Variants in MS4A1 observed in about 807,000 individuals in gnomAD.
MS4A1 encodes the protein B-lymphocyte antigen CD20.
A neutral mutation model predicts 26.5 loss-of-function variants in MS4A1; 16 were observed. That is an observed-to-expected ratio of 0.60 (90% CI 0.41 to 0.92). The LOEUF is 0.92. Ranked by LOEUF, MS4A1 falls within the 40% of genes least tolerant of loss-of-function variation. The probability of loss-of-function intolerance (pLI) is 0.00; values close to 1 mark genes in which losing one functional copy is unlikely to be tolerated. For synonymous variants in MS4A1, 128 were observed against 117.6 expected (o/e 1.09, Z -0.57); for missense variants, 350 against 353.0 (o/e 0.99, Z 0.07).
intron 5 of MS4A1, 64 bp from the exon 6 acceptor site, chr11:60,465,857 C>T: frequency 3.8e-6 from 5 of 1,314,598 alleles, no homozygotes; most frequent in Non-Finnish European, 5.5e-6. Context: ...TTGGAATTCC[C>T]TCCCAGATTA....
At chr11:60,458,459 G>C (rs909067160) in intron 1 of MS4A1, among the ~76,000 whole-genome samples, 1 of 152,162 alleles carries the variant, frequency 6.6e-6, no homozygotes, top group Non-Finnish European at 1.5e-5. Context: ...ATTTGCAGGA[G>C]TTAGTGTGAG....
At chr11:60,464,449 C>T (rs1359294930) in intron 5 of MS4A1, 105 bp downstream of exon 5, 3 of 969,436 alleles carry the variant, frequency 3.1e-6, no homozygotes, top group Non-Finnish European at 5.0e-6. Context: ...GCCTCTCAGC[C>T]CTAAAAAGCA....
At chr11:60,460,126 G>A (rs866233713) in intron 1 of MS4A1, among the ~76,000 whole-genome samples, 1 of 152,008 alleles carries the variant, frequency 6.6e-6, no homozygotes, top group Non-Finnish European at 1.5e-5. Flanking sequence ...GTTGCCCGTG[G>A]TCCCAGCTAC....
At chr11:60,459,332 G>A (rs987326256) in intron 1 of MS4A1, among the ~76,000 whole-genome samples, 2 of 152,160 alleles carry the variant, frequency 1.3e-5, no homozygotes, top group African/African-American at 4.8e-5. Context: ...ACTTACGAAG[G>A]TGTTGAGTGA....
intron 1 of MS4A1, among the ~76,000 whole-genome samples, chr11:60,460,292 G>C (rs937604753): frequency 4.6e-5 from 7 of 152,070 alleles, no homozygotes; most frequent in African/African-American, 1.4e-4. Flanking sequence ...ATGTAACTTG[G>C]CACAAGTAAC....
At chr11:60,463,519 C>T (rs2086265923) in intron 4 of MS4A1, among the ~76,000 whole-genome samples, 1 of 152,192 alleles carries the variant, frequency 6.6e-6, no homozygotes, top group African/African-American at 2.4e-5. Flanking sequence ...ACTATGGTAC[C>T]TGGTGAAACC....
At chr11:60,462,605 C>G in intron 3 of MS4A1, 72 bp downstream of exon 3, 1 of 1,577,264 alleles carries the variant, frequency 6.3e-7, no homozygotes, top group Non-Finnish European at 8.7e-7. Context: ...GTATAGGCCA[C>G]ATACAGAATT....
chr11:60,457,254 T>C (rs1012572878), intron 1 of MS4A1, among the ~76,000 whole-genome samples: 1 of 152,092 alleles, frequency 6.6e-6, no homozygotes, highest in African/African-American at 2.4e-5. Context: ...AGGACATGTA[T>C]AGACCAGTGG....
rs760536969 is a variant in MS4A1 at position 60,466,113 on chromosome 11, T to C, written c.529T>C (p.Ser177Pro). The change falls in exon 6 of 8, where the codon TCC becomes CCC. Residue 177 changes from serine to proline, a missense_variant. Ser to Pro is a moderately conservative substitution (Grantham distance 74). Coordinates refer to ENST00000345732, the MANE Select transcript of MS4A1 (RefSeq NM_152866.3). The stretch of plus-strand genomic sequence containing the variant: ...ACCAGCTAATCCCTCTGAGAAAAAC[T>C]CCCCATCTACCCAATACTGTTACAG... ...CEPANPSEKN[S>P]PSTQYCYSIQ... 1.9e-6 allele frequency: 3 copies of C among 1,613,462 alleles called. No homozygotes were observed. The highest frequency in any genetic ancestry group is 2.5e-6 in the Non-Finnish European group (3 of 1,179,558).
rs181322021 is a variant in MS4A1, at chr11:60,467,091, C to A, written c.675+31C>A. The A allele has an allele frequency of 6.5e-6, 10 of 1,545,584 alleles. No individual in the cohort carries two copies. In the African/African-American group the frequency reaches 1.4e-4, roughly 21 times the overall value. On this transcript the variant is annotated intron_variant, in intron 7 of 7. Coordinates refer to ENST00000345732, the MANE Select transcript of MS4A1 (RefSeq NM_152866.3). ...TAGTAGCCCCTCTGGCCAAAACCTCCCTCTAGAAAATCCACATCCACAAAG... is the reference window on the plus strand; with the variant it reads ...TAGTAGCCCCTCTGGCCAAAACCTCACTCTAGAAAATCCACATCCACAAAG...
chr11:60,466,934 C>T (rs2135202936), intron 6 of MS4A1, 25 bp from the exon 7 acceptor site: 1 of 1,605,132 alleles, frequency 6.2e-7, no homozygotes, highest in Non-Finnish European at 8.5e-7. Context: ...TACATTTTCA[C>T]CTTCATTCTT....
At chr11:60,460,564 G>A (rs985934500) in intron 1 of MS4A1, among the ~76,000 whole-genome samples, 1 of 152,118 alleles carries the variant, frequency 6.6e-6, no homozygotes, top group Non-Finnish European at 1.5e-5. Flanking sequence ...TATGTGACCT[G>A]GATAGACAGT....
intron 2 of MS4A1, among the ~76,000 whole-genome samples, chr11:60,461,554 C>T (rs975441018): frequency 2.0e-5 from 3 of 151,662 alleles, no homozygotes; most frequent in East Asian, 1.9e-4. Flanking sequence ...GAGTCTCACT[C>T]TGTTACCCAG....
intron 1 of MS4A1, among the ~76,000 whole-genome samples, chr11:60,458,617 C>A (rs1354504796): frequency 6.6e-6 from 1 of 152,168 alleles, no homozygotes; most frequent in African/African-American, 2.4e-5. Context: ...AGTCTTTGAG[C>A]ATAACTGTGC....
At chr11:60,462,925 A>C in intron 3 of MS4A1, 77 bp from the exon 4 acceptor site, 153 of 1,585,724 alleles carry the variant, frequency 9.6e-5, no homozygotes, top group Non-Finnish European at 1.2e-4. Context: ...GTCAGGAGCC[A>C]GAGCTTCCAA....
chr11:60,459,472 T>A (rs1286043398), intron 1 of MS4A1, among the ~76,000 whole-genome samples: 1 of 152,222 alleles, frequency 6.6e-6, no homozygotes, highest in African/African-American at 2.4e-5. Flanking sequence ...GCCTTCTAGC[T>A]TGGCTCTGTT....
intron 1 of MS4A1, among the ~76,000 whole-genome samples, chr11:60,458,859 A>G (rs891280383): frequency 1.5e-3 from 31 of 20,328 alleles, no homozygotes; most frequent in African/African-American, 6.4e-3. Flanking sequence ...ATAAGAAATA[A>G]AAAAACAGAG....
rs2135197636 is a variant in MS4A1, at chr11:60,462,648, A to T, written c.159+115A>T. On this transcript the variant is annotated intron_variant, in intron 3 of 7. Transcript: ENST00000345732. ...ATTTGAAGAATTGGGATCCAACCTG[A>T]TGTCTTCTTTATGTCTAACACAGTG... 3 of 1,394,944 alleles carry T rather than the reference A, an allele frequency of 2.2e-6. No homozygotes were observed. In the South Asian group the frequency reaches 3.6e-5, roughly 17 times the overall value. The allele number at this position is 1,394,944 out of a possible 1,614,324, so 86.4% of individuals were successfully genotyped here.
chr11:60,467,362 C>A (rs1197103442), intron 7 of MS4A1, among the ~76,000 whole-genome samples: 1 of 150,712 alleles, frequency 6.6e-6, no homozygotes, highest in Non-Finnish European at 1.5e-5. Context: ...AGTGCAACCT[C>A]TGCCTCCGGG....
Sources: allele counts gnomAD v4.1 joint callset (sites outside exome capture counted in the v4.1 genomes callset), GRCh38; gene constraint gnomAD v4.1.1; transcripts MANE v1.5; gene names NCBI Gene and HGNC (gene_info 2026-07-23, HGNC 2026-07-21).